Variants in SNTB2 observed in about 807,000 individuals in gnomAD.
The protein encoded by SNTB2 is syntrophin beta 2, also known as beta-2-syntrophin.
SNTB2 carries 34 observed loss-of-function variants against 46.2 expected under a neutral mutation model. The ratio of observed to expected loss-of-function variants is 0.74; its 90% CI spans 0.56 to 0.98. The LOEUF is 0.98. Ranked by LOEUF, SNTB2 falls within the 50% of genes least tolerant of loss-of-function variation. The pLI, the probability that SNTB2 is intolerant of heterozygous loss-of-function variation, is 0.00. For missense variants in SNTB2, 603 were observed against 731.4 expected, an observed-to-expected ratio of 0.82 and a Z score of 2.02; for synonymous variants, 290 against 312.6, an observed-to-expected ratio of 0.93 and a Z score of 0.76.
chr16:69,295,974 TATTA>T (rs558151679), intron 5 of SNTB2, among the ~76,000 whole-genome samples: 40 of 152,256 alleles, frequency 2.6e-4, no homozygotes, highest in Non-Finnish European at 4.9e-4. Flanking sequence ...AAGAATCTGG[TATTA>T]ATTATACATT....
At chr16:69,292,352 TTTTATATATA>T (rs1251817796) in intron 5 of SNTB2, among the ~76,000 whole-genome samples, 8 of 58,664 alleles carry the variant, frequency 1.4e-4, no homozygotes, top group African/African-American at 6.5e-4. Context: ...TCACCTTATT[TTTTATATATA>T]TATATATATA....
Position 69,187,723 on chromosome 16 carries a change from C to T in SNTB2, c.557C>T (p.Ala186Val), listed in dbSNP as rs760371993. ...HDQAVQALKR[A>V]GKEVLLEVKF... ...CAGGCCGTGCAGGCGCTGAAGCGCG[C>T]GGGCAAGGAGGTGCTGCTGGAGGGT... The change falls in exon 1 of 7, where the codon GCG becomes GTG. Residue 186 changes from alanine (A) to valine (V), a missense_variant. Around this residue, in one of 2 missense-constraint regions of SNTB2, gnomAD observed 537 missense variants for 692.4 expected, o/e 0.78. Transcript: ENST00000336278. 5.0e-5 allele frequency: 61 copies of T among 1,227,348 alleles called. No homozygotes were observed. Among genetic ancestry groups the T allele is most frequent in the Non-Finnish European group, 6.2e-5 (59 of 957,826 alleles). 76.0% of individuals were successfully genotyped at this position (1,227,348 alleles called of 1,614,324 possible).
At chr16:69,218,656 C>T (rs1327123416) in intron 1 of SNTB2, among the ~76,000 whole-genome samples, 2 of 152,028 alleles carry the variant, frequency 1.3e-5, no homozygotes, top group Non-Finnish European at 2.9e-5. Context: ...CTCCTGACCT[C>T]GTGATCCACC....
chr16:69,212,490 C>A (rs1261637216), intron 1 of SNTB2, among the ~76,000 whole-genome samples: 1 of 149,120 alleles, frequency 6.7e-6, no homozygotes, highest in East Asian at 2.0e-4. Context: ...CGGCGTGTAC[C>A]ACCAGGCCCA....
chr16:69,228,274 C>T (rs894879038), intron 1 of SNTB2, among the ~76,000 whole-genome samples: 8 of 151,780 alleles, frequency 5.3e-5, no homozygotes, highest in Non-Finnish European at 7.4e-5. Flanking sequence ...GGGAGGCTGA[C>T]GAGTGTGGGT....
intron 4 of SNTB2, among the ~76,000 whole-genome samples, chr16:69,281,392 A>G (rs1022976778): frequency 6.6e-6 from 1 of 151,584 alleles, no homozygotes; most frequent in Admixed American, 6.6e-5. Context: ...CCACCATCCC[A>G]GGCTAATTTT....
chr16:69,300,273 C>T (rs376688112), intron 6 of SNTB2, among the ~76,000 whole-genome samples: 5 of 150,428 alleles, frequency 3.3e-5, no homozygotes, highest in East Asian at 4.0e-4. Flanking sequence ...TTTTTTGAGA[C>T]GGAGTCTCGC....
In SNTB2 at chr16:69,242,599, A is replaced by G. The variant is rs916462282; in HGVS notation, c.581-3003A>G. Among the ~76,000 whole-genome samples, 9 of 152,368 alleles carry G rather than the reference A, an allele frequency of 5.9e-5. No individual in the cohort carries two copies. The Middle Eastern group carries it at 0.01, about 173-fold the overall frequency. Reference sequence around the variant, plus strand: ...ATAAGCACTATTGATATTTTGATTAAGTTCCTTCCAGACATCTTTACAGGT... The same window carrying G: ...ATAAGCACTATTGATATTTTGATTAGGTTCCTTCCAGACATCTTTACAGGT... On this transcript the variant is annotated intron_variant, in intron 1 of 6. Transcript: ENST00000336278.
At chr16:69,253,275 T>G (rs1964743150) in intron 2 of SNTB2, among the ~76,000 whole-genome samples, 1 of 152,114 alleles carries the variant, frequency 6.6e-6, no homozygotes, top group Non-Finnish European at 1.5e-5. Flanking sequence ...TTTTGGAGCT[T>G]CTTTGCTGTT....
intron 1 of SNTB2, among the ~76,000 whole-genome samples, chr16:69,238,690 T>C (rs544357165): frequency 6.6e-6 from 1 of 152,284 alleles, no homozygotes; most frequent in Non-Finnish European, 1.5e-5. Context: ...CTAGCCTTGT[T>C]CGGGACAAAA....
intron 3 of SNTB2, among the ~76,000 whole-genome samples, chr16:69,264,557 A>G (rs1237015577): frequency 2.6e-5 from 4 of 152,350 alleles, no homozygotes; most frequent in East Asian, 1.9e-4. Flanking sequence ...AAGCATCACT[A>G]TTGACAACAG....
intron 4 of SNTB2, among the ~76,000 whole-genome samples, chr16:69,279,558 C>T (rs1597197863): frequency 4.8e-5 from 5 of 103,622 alleles, no homozygotes; most frequent in African/African-American, 1.8e-4. Context: ...CGGAATCTCA[C>T]TCTGTCGCCC....
At chr16:69,209,547 A>T (rs1023786491) in intron 1 of SNTB2, among the ~76,000 whole-genome samples, 1 of 152,230 alleles carries the variant, frequency 6.6e-6, no homozygotes, top group East Asian at 1.9e-4. Context: ...TAGACATTGA[A>T]TGAACATCCC....
chr16:69,192,978 C>T (rs1225529975), intron 1 of SNTB2, among the ~76,000 whole-genome samples: 1 of 151,790 alleles, frequency 6.6e-6, no homozygotes, highest in African/African-American at 2.4e-5. Flanking sequence ...TTGCTGTGTT[C>T]GGACCCTCTT....
intron 5 of SNTB2, among the ~76,000 whole-genome samples, chr16:69,296,767 G>C (rs1004401794): frequency 6.6e-6 from 1 of 151,754 alleles, no homozygotes; most frequent in South Asian, 2.1e-4. Context: ...AGCACTTTGG[G>C]AGCCCAAGGT....
chr16:69,287,288 G>A (rs1965112924), intron 5 of SNTB2, among the ~76,000 whole-genome samples: 1 of 151,964 alleles, frequency 6.6e-6, no homozygotes, highest in Non-Finnish European at 1.5e-5. Context: ...TACAGGCTGG[G>A]GCCGGACGCG....
rs535637433 is a variant in SNTB2, at chr16:69,284,908, C to CA, written c.1345+673dup. ...GGGCAACCAGAGTGAGACCCTGTTT[C>CA]AAAAAAAAAGATACACGAATGCTTA... On this transcript the variant is annotated intron_variant, in intron 5 of 6. Coordinates refer to ENST00000336278, the MANE Select transcript of SNTB2 (RefSeq NM_006750.4). 1.0e-3 allele frequency among the ~76,000 whole-genome samples: 150 copies of CA among 150,744 alleles called. No individual in the cohort carries two copies. In the South Asian group the frequency reaches 0.012, roughly 12 times the overall value.
At chr16:69,196,961 C>A (rs1964111471) in intron 1 of SNTB2, among the ~76,000 whole-genome samples, 1 of 151,754 alleles carries the variant, frequency 6.6e-6, no homozygotes, top group African/African-American at 2.4e-5. Flanking sequence ...GCTTTGGATT[C>A]TGTGTTGTTG....
chr16:69,274,692 C>T (rs2019718), intron 4 of SNTB2, among the ~76,000 whole-genome samples: 3,218 of 151,306 alleles, frequency 0.021, 54 homozygotes, highest in Non-Finnish European at 0.03. Context: ...AGCTGGGTGC[C>T]ATGGCACGTG....
Sources: gnomAD v4.1 joint callset for allele counts (sites outside exome capture counted in the v4.1 genomes callset) on GRCh38, gnomAD v4.1.1 for gene constraint, gnomAD v4.1.1 regional missense constraint, MANE v1.5 for transcripts, NCBI Gene and HGNC (gene_info 2026-07-23, HGNC 2026-07-21) for gene names.